KCND3: variants seen among roughly 807,000 people sequenced by gnomAD.
KCND3 encodes A-type voltage-gated potassium channel KCND3.
In KCND3, 9 loss-of-function variants were observed where a neutral mutation model predicts 51.1. The ratio of observed to expected loss-of-function variants is 0.18; its 90% CI spans 0.11 to 0.31. The LOEUF is 0.31. Ranked by LOEUF, KCND3 falls within the 10% of genes least tolerant of loss-of-function variation. The pLI is 1.00. For synonymous variants in KCND3, 349 were observed against 368.0 expected (o/e 0.95, Z 0.59); for missense variants, 526 against 903.8 (o/e 0.58, Z 5.36).
intron 2 of KCND3, among the ~76,000 whole-genome samples, chr1:111,973,219 T>C (rs767854758): frequency 3.9e-5 from 6 of 152,248 alleles, no homozygotes; most frequent in Admixed American, 2.0e-4. Context: ...TGGAGGACTA[T>C]GCCACTGGGA....
At chr1:111,832,911 C>T (rs1666905187) in intron 2 of KCND3, among the ~76,000 whole-genome samples, 1 of 152,154 alleles carries the variant, frequency 6.6e-6, no homozygotes, top group Non-Finnish European at 1.5e-5. Context: ...TCCAGCTCAC[C>T]ACCAGCAAAC....
chr1:111,801,087 C>T (rs1243855898), intron 2 of KCND3, among the ~76,000 whole-genome samples: 1 of 152,236 alleles, frequency 6.6e-6, no homozygotes, highest in Non-Finnish European at 1.5e-5. Context: ...GGCTGCTTCT[C>T]AGCCTTCTGC....
intron 7 of KCND3, 142 bp downstream of exon 7, chr1:111,776,884 A>G: frequency 6.7e-7 from 1 of 1,485,606 alleles, no homozygotes; most frequent in Non-Finnish European, 9.1e-7. Flanking sequence ...CCTTGCAAGG[A>G]AAGGAGGAAG....
chr1:111,785,810 ATCCC>A (rs1466313357), intron 3 of KCND3, among the ~76,000 whole-genome samples: 1 of 152,110 alleles, frequency 6.6e-6, no homozygotes, highest in African/African-American at 2.4e-5. Context: ...CCTGGAGGTT[ATCCC>A]TGCAAGCAGA....
At chr1:111,901,654 G>A (rs866623085) in intron 2 of KCND3, among the ~76,000 whole-genome samples, 5 of 152,174 alleles carry the variant, frequency 3.3e-5, no homozygotes, top group African/African-American at 9.7e-5. Flanking sequence ...CTCTGTAGGC[G>A]GTGGGGAGGC....
At chr1:111,927,063 A>G (rs548391570) in intron 2 of KCND3, among the ~76,000 whole-genome samples, 4 of 152,304 alleles carry the variant, frequency 2.6e-5, no homozygotes, top group African/African-American at 9.6e-5. Context: ...GAATCCTCAC[A>G]ATACTTCTGT....
Position 111,773,425 on chromosome 1 carries a change from C to CTTTTTTTTTTTTTTTTTTTTTTT in KCND3, c.*2651_*2652insAAAAAAAAAAAAAAAAAAAAAAA, listed in dbSNP as rs5777080. 1 of 124,510 alleles carries CTTTTTTTTTTTTTTTTTTTTTTT rather than the reference C, an allele frequency of 8.0e-6. No individual in the cohort carries two copies. The highest frequency in any genetic ancestry group is 1.6e-5 in the Non-Finnish European group (1 of 62,722). 7.7% of individuals were successfully genotyped at this position (124,510 alleles called of 1,614,324 possible). A position where few individuals can be genotyped will look rare whatever the true frequency, so the allele number is the denominator to read the frequency against. On this transcript the variant is annotated 3_prime_UTR_variant, in exon 8 of 8. Transcript: ENST00000302127. ...TTTACCTCCTTTTTTTTTTTCTTTTCTTTTTTTTTTTTTTGAGACGGAGTC... is the reference window on the plus strand; with the variant it reads ...TTTACCTCCTTTTTTTTTTTCTTTTCTTTTTTTTTTTTTTTTTTTTTTTTTTTTTTTTTTTTTGAGACGGAGTC...
chr1:111,876,648 T>C (rs573115655), intron 2 of KCND3, among the ~76,000 whole-genome samples: 1 of 152,290 alleles, frequency 6.6e-6, no homozygotes, highest in East Asian at 1.9e-4. Context: ...CAAAGAAAAG[T>C]GACTTTTGAA....
intron 2 of KCND3, among the ~76,000 whole-genome samples, chr1:111,940,196 T>G (rs980461576): frequency 1.4e-5 from 2 of 145,656 alleles, no homozygotes; most frequent in African/African-American, 2.5e-5. Flanking sequence ...CTGATGATAG[T>G]TTTTTTTTTG....
At chr1:111,959,250 A>G (rs1290701680) in intron 2 of KCND3, among the ~76,000 whole-genome samples, 2 of 151,762 alleles carry the variant, frequency 1.3e-5, no homozygotes, top group Admixed American at 1.3e-4. Context: ...GCTCCCTCTA[A>G]CCCCCCATAA....
intron 6 of KCND3, among the ~76,000 whole-genome samples, chr1:111,778,212 G>C (rs1436825631): frequency 6.6e-6 from 1 of 152,108 alleles, no homozygotes; most frequent in South Asian, 2.1e-4. Flanking sequence ...CCCCTTCCAC[G>C]CCCCTGGGGA....
intron 2 of KCND3, among the ~76,000 whole-genome samples, chr1:111,864,672 TGGG>T (rs1668476275): frequency 6.6e-6 from 1 of 152,194 alleles, no homozygotes; most frequent in South Asian, 2.1e-4. Flanking sequence ...GGACAGTTCC[TGGG>T]ACCACAGAAG....
At chr1:111,792,784 TTAAA>T (rs1244477252) in intron 2 of KCND3, among the ~76,000 whole-genome samples, 1 of 151,986 alleles carries the variant, frequency 6.6e-6, no homozygotes, top group African/African-American at 2.4e-5. Flanking sequence ...TAAGTGTTTA[TTAAA>T]TAAACCCAGG....
At chr1:111,916,493 C>T (rs1438513058) in intron 2 of KCND3, among the ~76,000 whole-genome samples, 3 of 152,068 alleles carry the variant, frequency 2.0e-5, no homozygotes, top group African/African-American at 4.8e-5. Flanking sequence ...ATGATCTAAG[C>T]TTCTACTTCT....
chr1:111,864,179 AGAG>A (rs2101696602), intron 2 of KCND3, among the ~76,000 whole-genome samples: 1 of 152,222 alleles, frequency 6.6e-6, no homozygotes, highest in Admixed American at 6.5e-5. Context: ...ATGGGGAAGA[AGAG>A]AAGAAGGACA....
intron 2 of KCND3, among the ~76,000 whole-genome samples, chr1:111,939,277 C>T (rs911086334): frequency 1.3e-5 from 2 of 152,108 alleles, no homozygotes; most frequent in Non-Finnish European, 2.9e-5. Context: ...ACGTGCAGAA[C>T]GTGCAGGTCT....
At chr1:111,812,031 G>GGAAAGTCAGTGTTCTCA (rs1665877991) in intron 2 of KCND3, among the ~76,000 whole-genome samples, 2 of 152,004 alleles carry the variant, frequency 1.3e-5, no homozygotes, top group Non-Finnish European at 2.9e-5. Flanking sequence ...CAGTGTTCTC[G>GGAAAGTCAGTGTTCTCA]TCTGGAAATG....
intron 2 of KCND3, among the ~76,000 whole-genome samples, chr1:111,867,975 A>G (rs1440173114): frequency 6.6e-6 from 1 of 152,208 alleles, no homozygotes; most frequent in African/African-American, 2.4e-5. Context: ...GATGGGAATA[A>G]TCCTAACATC....
intron 2 of KCND3, among the ~76,000 whole-genome samples, chr1:111,956,624 T>C (rs1673357485): frequency 6.6e-6 from 1 of 152,184 alleles, no homozygotes; most frequent in Non-Finnish European, 1.5e-5. Context: ...CAGGTGCAGC[T>C]GAACACCAGG....
Sources: allele counts gnomAD v4.1 joint callset (sites outside exome capture counted in the v4.1 genomes callset), GRCh38; gene constraint gnomAD v4.1.1; transcripts MANE v1.5; gene names NCBI Gene and HGNC (gene_info 2026-07-23, HGNC 2026-07-21).